PRRC2C: variants seen among roughly 807,000 people sequenced by gnomAD.
The protein encoded by PRRC2C is protein PRRC2C.
A neutral mutation model predicts 317.2 loss-of-function variants in PRRC2C; 72 were observed. The observed-to-expected ratio is 0.23, with a 90% CI of 0.19 to 0.28. PRRC2C has a LOEUF of 0.28. PRRC2C is among the 10% of genes least tolerant of loss of function. The pLI is 1.00. For synonymous variants in PRRC2C, 1,296 were observed against 1,205.9 expected (o/e 1.07, Z -1.55); for missense variants, 3,074 against 3,459.7 (o/e 0.89, Z 2.80).
chr1:171,558,077 C>CT lies in PRRC2C; in HGVS notation c.5966dup (p.Thr1990AspfsTer3), dbSNP rs1432956882. On this transcript the variant is annotated frameshift_variant, in exon 19 of 35. Transcript: ENST00000647382. LOFTEE classifies it high-confidence loss of function. ...CCAGACCCCACAGTCACATGGCACT[C>CT]TGACAGCTGAATTATGGGATAACAA... The CT allele has an allele frequency of 1.2e-6, 2 of 1,613,962 alleles. No homozygotes were observed. The highest frequency in any genetic ancestry group is 1.1e-5 in the South Asian group (1 of 91,084).
intron 20 of PRRC2C, 70 bp from the exon 21 acceptor site, chr1:171,566,161 GTA>G (rs2102711790): frequency 1.6e-6 from 2 of 1,255,232 alleles, no homozygotes; most frequent in South Asian, 2.8e-5. Context: ...TACTTAAACT[GTA>G]TAGTGCTTCA....
rs745893133 is a variant in PRRC2C, at chr1:171,524,850, AC to A, written c.1086del (p.Asn362LysfsTer26). ...SEDQGSKASE[N>X]NENKKETDEV... ...GATCAAGGTTCAAAAGCCTCTGAAA[AC>A]AACGAAAACAAAAAAGAAACAGATG... On this transcript the variant is annotated frameshift_variant, in exon 10 of 35. Coordinates refer to ENST00000647382, the MANE Select transcript of PRRC2C (RefSeq NM_001387844.1). LOFTEE classifies it high-confidence loss of function. 6.3e-7 allele frequency: 1 copy of A among 1,583,056 alleles called. No homozygotes were observed. The highest frequency in any genetic ancestry group is 1.3e-5 in the African/African-American group (1 of 74,408).
At chr1:171,547,491 T>A (rs1357745006) in intron 17 of PRRC2C, among the ~76,000 whole-genome samples, 1 of 152,148 alleles carries the variant, frequency 6.6e-6, no homozygotes, top group Non-Finnish European at 1.5e-5. Context: ...CTTTGAAATG[T>A]TTGACTTAGA....
chr1:171,572,161 T>A (rs534910952), intron 24 of PRRC2C, among the ~76,000 whole-genome samples: 79 of 151,914 alleles, frequency 5.2e-4, no homozygotes, highest in Admixed American at 4.6e-4. Flanking sequence ...TAAAAAAAAA[T>A]TTTTTTTAAA....
chr1:171,496,199 C>CTTTTTTTTTTT lies in PRRC2C; in HGVS notation c.-58+10478_-58+10488dup, dbSNP rs528654548. On this transcript the variant is annotated intron_variant, in intron 1 of 34. Coordinates refer to ENST00000647382, the MANE Select transcript of PRRC2C (RefSeq NM_001387844.1). ...ATTTTTAGAGCTTTGATTTTTGTGC[C>CTTTTTTTTTTT]TTTTTTTTTTTTTTTTTTTTTTTTG... 6.0e-3 allele frequency among the ~76,000 whole-genome samples: 455 copies of CTTTTTTTTTTT among 75,610 alleles called. 55 individuals are homozygous for CTTTTTTTTTTT. The highest frequency in any genetic ancestry group is 8.1e-3 in the African/African-American group (120 of 14,734). 49.6% of individuals were successfully genotyped at this position (75,610 alleles called of 152,430 possible). A position where few individuals can be genotyped will look rare whatever the true frequency, so the allele number is the denominator to read the frequency against.
rs2102642875 is a variant in PRRC2C at position 171,557,749 on chromosome 1, C to T, written c.5637C>T (p.Ala1879=). The T allele has an allele frequency of 1.9e-6, 3 of 1,551,162 alleles. No homozygotes were observed. Among genetic ancestry groups the T allele is most frequent in the Non-Finnish European group, 2.6e-6 (3 of 1,146,658 alleles). ...CATCAACTTCAGCTCCAACGCCAGCCCCAGCAGCCTCTTCCCCAGCTGCCC... is the reference window on the plus strand; with the variant it reads ...CATCAACTTCAGCTCCAACGCCAGCTCCAGCAGCCTCTTCCCCAGCTGCCC... The part of the protein sequence containing the change: ...ALASTSAPTP[A]PAASSPAAPV... Residue 1879 remains alanine, a synonymous_variant, in exon 19 of 35, where the codon GCC becomes GCT. Transcript: ENST00000647382.
intron 1 of PRRC2C, among the ~76,000 whole-genome samples, chr1:171,496,774 CGTGTGTGTGT>C (rs71688813): frequency 0.1 from 15,414 of 146,866 alleles, 926 homozygotes; most frequent in East Asian, 0.17. Context: ...ACATTTGGGG[CGTGTGTGTGT>C]GTGTGTGTGT....
chr1:171,494,637 T>C (rs1667771124), intron 1 of PRRC2C, among the ~76,000 whole-genome samples: 1 of 152,150 alleles, frequency 6.6e-6, no homozygotes, highest in African/African-American at 2.4e-5. Flanking sequence ...AGTAGGTTAC[T>C]ACAGTCACCC....
At chr1:171,559,191 C>T (rs1043689718) in intron 19 of PRRC2C, among the ~76,000 whole-genome samples, 20 of 152,200 alleles carry the variant, frequency 1.3e-4, no homozygotes, top group African/African-American at 4.6e-4. Flanking sequence ...AGATCCAAAA[C>T]TGAGATAATG....
chr1:171,567,663 C>T (rs567450624), intron 22 of PRRC2C, among the ~76,000 whole-genome samples: 14 of 152,304 alleles, frequency 9.2e-5, no homozygotes, highest in Admixed American at 9.1e-4. Context: ...GTGGGAAACA[C>T]ACAAAAGATT....
chr1:171,490,217 G>A (rs538669312), intron 1 of PRRC2C, among the ~76,000 whole-genome samples: 10 of 152,198 alleles, frequency 6.6e-5, no homozygotes, highest in South Asian at 2.1e-4. Flanking sequence ...GCATCCTGCC[G>A]TTTAAAAGGA....
intron 10 of PRRC2C, 107 bp from the exon 11 acceptor site, chr1:171,527,684 A>T: frequency 2.3e-6 from 2 of 854,320 alleles, no homozygotes; most frequent in Non-Finnish European, 1.8e-6. Context: ...TGGCCCCGGG[A>T]GACAGAGGTT....
chr1:171,512,221 C>T (rs773683178), intron 2 of PRRC2C, 21 bp downstream of exon 2: 14 of 1,461,014 alleles, frequency 9.6e-6, no homozygotes, highest in Admixed American at 2.0e-5. Context: ...TCAAGTGACA[C>T]TTATGTTTTT....
chr1:171,543,285 T>A (rs1678356456), intron 16 of PRRC2C, among the ~76,000 whole-genome samples: 1 of 148,630 alleles, frequency 6.7e-6, no homozygotes, highest in African/African-American at 2.5e-5. Flanking sequence ...ATTGTGCCAC[T>A]GCATTCCAGC....
intron 30 of PRRC2C, among the ~76,000 whole-genome samples, chr1:171,585,830 C>T (rs978809673): frequency 5.9e-5 from 9 of 151,956 alleles, no homozygotes; most frequent in Admixed American, 3.9e-4. Context: ...TACCGAAATG[C>T]TTGGGACCAG....
chr1:171,557,048 T>G (rs1469648733), intron 18 of PRRC2C, among the ~76,000 whole-genome samples, 192 bp from the exon 19 acceptor site: 1 of 152,240 alleles, frequency 6.6e-6, no homozygotes, highest in East Asian at 1.9e-4. Flanking sequence ...AATACCTATT[T>G]GTCTTTTGTC....
At position 171,501,304 on chromosome 1, in the gene PRRC2C, T is replaced by A. The variant is rs185362702; in HGVS notation, c.-57-10728T>A. Among the ~76,000 whole-genome samples, 56 of 152,310 alleles carry A rather than the reference T, an allele frequency of 3.7e-4. No individual in the cohort carries two copies. In the East Asian group the frequency reaches 0.011, roughly 29 times the overall value. ...CGCCACAATGCCCTGTTAATTTTTG[T>A]ATTTTTTGTAGAAACAGAGTTTTGT... On this transcript the variant is annotated intron_variant, in intron 1 of 34. Transcript: ENST00000647382.
At position 171,517,629 on chromosome 1, in the gene PRRC2C, T is replaced by C; in HGVS notation, c.565T>C (p.Ser189Pro). 6.2e-7 allele frequency: 1 copy of C among 1,612,826 alleles called. No individual in the cohort carries two copies. Among genetic ancestry groups the C allele is most frequent in the Non-Finnish European group, 8.5e-7 (1 of 1,179,740 alleles). ...CWRDGGKAAG[S>P]PSSSDQDEKL... ...GAGAGATGGTGGTAAGGCTGCTGGC[T>C]CACCTTCGTCATCTGATCAAGATGA... Residue 189 changes from serine (S) to proline (P), a missense_variant, in exon 6 of 35, where the codon TCA becomes CCA. Ser to Pro is a moderately conservative substitution (Grantham distance 74, BLOSUM62 -1). Transcript: ENST00000647382.
intron 17 of PRRC2C, among the ~76,000 whole-genome samples, chr1:171,546,248 CAAGG>C (rs1290208536): frequency 1.3e-5 from 2 of 152,052 alleles, no homozygotes; most frequent in Non-Finnish European, 1.5e-5. Context: ...AAAAAACAGA[CAAGG>C]AATATCTGTG....
Sources: gnomAD v4.1 joint callset for allele counts (sites outside exome capture counted in the v4.1 genomes callset) on GRCh38, gnomAD v4.1.1 for gene constraint, MANE v1.5 for transcripts, NCBI Gene and HGNC (gene_info 2026-07-23, HGNC 2026-07-21) for gene names.